Variants in NAT10 observed in about 807,000 individuals in gnomAD.
NAT10 encodes N-acetyltransferase 10.
In NAT10, 109 loss-of-function variants were observed where a neutral mutation model predicts 132.2. The ratio of observed to expected loss-of-function variants is 0.82; its 90% confidence interval spans 0.71 to 0.97. NAT10 has a LOEUF of 0.97. Ranked by LOEUF, NAT10 falls within the 50% of genes least tolerant of loss-of-function variation. The probability of loss-of-function intolerance (pLI) is 0.00; values close to 1 mark genes in which losing one functional copy is unlikely to be tolerated. For missense variants in NAT10, 1,184 were observed against 1,263.4 expected (o/e 0.94, Z 0.95); for synonymous variants, 479 against 478.0 (o/e 1.00, Z -0.03).
chr11:34,143,244 C>G (rs1852373351), intron 27 of NAT10, among the ~76,000 whole-genome samples: 1 of 152,208 alleles, frequency 6.6e-6, no homozygotes, highest in African/African-American at 2.4e-5. Context: ...GAGCTTCTAT[C>G]CATAGAGCTA....
intron 8 of NAT10, among the ~76,000 whole-genome samples, chr11:34,121,601 C>T (rs1298886976): frequency 6.6e-6 from 1 of 151,992 alleles, no homozygotes; most frequent in Admixed American, 6.6e-5. Context: ...GTGGCTCACG[C>T]CTGTAATCCC....
chr11:34,108,376 C>T (rs758187049), intron 2 of NAT10, 43 bp downstream of exon 2: 1 of 1,497,262 alleles, frequency 6.7e-7, no homozygotes, highest in South Asian at 1.1e-5. Flanking sequence ...TTTATCTTGT[C>T]CAAAGAATCA....
intron 28 of NAT10, among the ~76,000 whole-genome samples, chr11:34,144,945 T>A (rs1290246686): frequency 6.6e-6 from 1 of 152,256 alleles, no homozygotes; most frequent in Non-Finnish European, 1.5e-5. Flanking sequence ...TTCCAGAGTC[T>A]CCGTTAGTCA....
At chr11:34,134,442 G>A (rs2132970107) in intron 17 of NAT10, 22 bp downstream of exon 17, 1 of 1,613,534 alleles carries the variant, frequency 6.2e-7, no homozygotes, top group East Asian at 2.2e-5. Flanking sequence ...TCCCTGGTGT[G>A]TCTGAGGGAA....
chr11:34,142,128 A>C (rs1852345899), intron 26 of NAT10, 147 bp from the exon 27 acceptor site: 1 of 743,802 alleles, frequency 1.3e-6, no homozygotes, highest in East Asian at 2.6e-5. Flanking sequence ...TAAAATAATC[A>C]AAGCTGCCTA....
In NAT10 at chr11:34,115,829, C is replaced by T; in HGVS notation, c.502C>T (p.His168Tyr). 1 of 1,613,944 alleles carries T rather than the reference C, an allele frequency of 6.2e-7. No homozygotes were observed. Among genetic ancestry groups the T allele is most frequent in the Non-Finnish European group, 8.5e-7 (1 of 1,179,920 alleles). ...KQLYTVTMDV[H>Y]SRYRTEAHQD... ...TGTTGTCTTTCTTTGTTAGGATGTG[C>T]ATTCCAGGTACAGAACTGAGGCCCA... Residue 168 changes from histidine to tyrosine, a missense_variant, in exon 6 of 29, where the codon CAT (histidine) becomes TAT (tyrosine). Physicochemically the swap from His to Tyr is moderately conservative, Grantham distance 83 (BLOSUM62 2). Transcript: ENST00000257829.
At chr11:34,135,775 C>T (rs1483922223) in intron 19 of NAT10, among the ~76,000 whole-genome samples, 1 of 152,100 alleles carries the variant, frequency 6.6e-6, no homozygotes, top group Non-Finnish European at 1.5e-5. Flanking sequence ...GGCAGCTGGG[C>T]AACATGGCGA....
At position 34,133,071 on chromosome 11, in the gene NAT10, C is replaced by T; in HGVS notation, c.1663C>T (p.His555Tyr). ...LQMLSDAPAH[H>Y]LFCLLPPVPP... The stretch of plus-strand genomic sequence containing the variant: ...GATGCTCTCCGATGCACCTGCTCAC[C>T]ATCTCTTCTGCCTTCTGCCTCCCGT... The change falls in exon 16 of 29, where the codon CAT becomes TAT. Residue 555 changes from histidine to tyrosine, a missense_variant. His to Tyr is a moderately conservative substitution (Grantham distance 83). Transcript: ENST00000257829. 1.2e-6 allele frequency: 2 copies of T among 1,614,182 alleles called. No homozygotes were observed. Among genetic ancestry groups the T allele is most frequent in the South Asian group, 1.1e-5 (1 of 91,084 alleles).
At position 34,118,171 on chromosome 11, in the gene NAT10, G is replaced by A. The variant is rs376783108; in HGVS notation, c.558-9G>A. 51 of 1,606,394 alleles carry A rather than the reference G, an allele frequency of 3.2e-5. No homozygotes were observed. The highest frequency in any genetic ancestry group is 4.2e-5 in the Non-Finnish European group (49 of 1,173,194). On this transcript the variant is annotated splice_polypyrimidine_tract_variant and intron_variant, in intron 6 of 28. Coordinates refer to ENST00000257829, the MANE Select transcript of NAT10 (RefSeq NM_024662.3). ...CCCAACACTTCATTGCAGCGGTTTT[G>A]TATCTCAGGTTTATTCTGTCTCTGG... is the stretch of plus-strand genomic sequence containing the variant.
intron 8 of NAT10, among the ~76,000 whole-genome samples, chr11:34,120,167 G>A (rs796424119): frequency 2.9e-5 from 2 of 68,560 alleles, no homozygotes; most frequent in African/African-American, 1.0e-4. Context: ...TTTTTTTGGT[G>A]AGCCGGTCTG....
intron 16 of NAT10, among the ~76,000 whole-genome samples, chr11:34,133,598 C>T (rs1224857260): frequency 6.6e-6 from 1 of 152,194 alleles, no homozygotes; most frequent in Non-Finnish European, 1.5e-5. Context: ...TCATAATCTA[C>T]ATAAGTTTTA....
intron 2 of NAT10, 36 bp downstream of exon 2, chr11:34,108,369 A>G (rs778513814): frequency 2.0e-6 from 3 of 1,522,272 alleles, no homozygotes; most frequent in East Asian, 4.5e-5. Flanking sequence ...ATTACTTTTT[A>G]TCTTGTCCAA....
intron 5 of NAT10, among the ~76,000 whole-genome samples, chr11:34,114,977 A>C (rs1001983496): frequency 2.0e-5 from 3 of 152,016 alleles, no homozygotes; most frequent in Admixed American, 6.5e-5. Context: ...ACATGGTGAA[A>C]CCTCGTCTCT....
intron 4 of NAT10, among the ~76,000 whole-genome samples, chr11:34,113,408 CTG>C (rs1184042472): frequency 6.6e-6 from 1 of 152,104 alleles, no homozygotes; most frequent in East Asian, 1.9e-4. Flanking sequence ...TGTGGTACCC[CTG>C]TGTGTGTATC....
At chr11:34,115,238 T>G (rs1851764872) in intron 5 of NAT10, among the ~76,000 whole-genome samples, 1 of 152,016 alleles carries the variant, frequency 6.6e-6, no homozygotes, top group Non-Finnish European at 1.5e-5. Context: ...CTTAGAAGAG[T>G]TCCTGGCATT....
chr11:34,120,222 G>GT (rs1851868449), intron 8 of NAT10, among the ~76,000 whole-genome samples: 1 of 80,896 alleles, frequency 1.2e-5, no homozygotes, highest in African/African-American at 4.5e-5. Flanking sequence ...GGCCTTTTTT[G>GT]TATTGGTTCT....
chr11:34,143,635 A>G (rs757963568), intron 28 of NAT10, 107 bp downstream of exon 28: 10 of 1,047,004 alleles, frequency 9.6e-6, no homozygotes, highest in Non-Finnish European at 1.4e-5. Context: ...AAGCTTTGAC[A>G]GAAAAGTCAT....
At chr11:34,109,667 T>C (rs1255623397) in intron 3 of NAT10, among the ~76,000 whole-genome samples, 1 of 152,200 alleles carries the variant, frequency 6.6e-6, no homozygotes, top group East Asian at 1.9e-4. Context: ...TCAACACAAA[T>C]ACAATTTGGC....
chr11:34,125,871 G>GGAGAATTGGTTGAACCC (rs1386696534), intron 11 of NAT10, among the ~76,000 whole-genome samples: 1 of 152,202 alleles, frequency 6.6e-6, no homozygotes, highest in African/African-American at 2.4e-5. Flanking sequence ...GGCCGAGGCA[G>GGAGAATTGGTTGAACCC]GAGAATTGGT....
Sources: allele counts gnomAD v4.1 joint callset (sites outside exome capture counted in the v4.1 genomes callset), GRCh38; gene constraint gnomAD v4.1.1; transcripts MANE v1.5; gene names NCBI Gene and HGNC (gene_info 2026-07-23, HGNC 2026-07-21).